Variants in NTRK3 observed in about 807,000 individuals in gnomAD.
The protein encoded by NTRK3 is neurotrophic receptor tyrosine kinase 3.
Under a neutral mutation model 91.7 loss-of-function variants are expected in NTRK3, and 24 were observed. The ratio of observed to expected loss-of-function variants is 0.26; its 90% CI spans 0.19 to 0.37. NTRK3 has a LOEUF of 0.37. Ranked by LOEUF, NTRK3 falls within the 10% of genes least tolerant of loss-of-function variation. NTRK3 has a pLI of 1.00. For synonymous variants in NTRK3, 483 were observed against 404.0 expected, an observed-to-expected ratio of 1.20 and a Z score of -2.34; for missense variants, 880 against 1,068.9, an observed-to-expected ratio of 0.82 and a Z score of 2.46.
intron 13 of NTRK3, among the ~76,000 whole-genome samples, chr15:88,107,774 C>T (rs1024512690): frequency 1.3e-5 from 2 of 152,086 alleles, no homozygotes; most frequent in South Asian, 2.1e-4. Context: ...AAATATCACA[C>T]GATCTCAGAC....
intron 13 of NTRK3, among the ~76,000 whole-genome samples, chr15:88,062,295 A>G (rs1343786452): frequency 6.6e-6 from 1 of 152,258 alleles, no homozygotes; most frequent in Non-Finnish European, 1.5e-5. Context: ...TTGCGCAAGA[A>G]GTACTCCATA....
intron 14 of NTRK3, among the ~76,000 whole-genome samples, chr15:87,973,231 A>G (rs576793434): frequency 7.2e-5 from 11 of 152,330 alleles, no homozygotes; most frequent in African/African-American, 2.4e-4. Context: ...GTTAGACCTT[A>G]TCACCCGTGC....
intron 5 of NTRK3, among the ~76,000 whole-genome samples, chr15:88,157,229 TCA>T (rs143575786): frequency 6.6e-6 from 1 of 151,762 alleles, no homozygotes; most frequent in African/African-American, 2.4e-5. Context: ...CTTCCCTCTC[TCA>T]CACACACACA....
At chr15:88,208,746 C>G (rs975918856) in intron 3 of NTRK3, among the ~76,000 whole-genome samples, 1 of 152,158 alleles carries the variant, frequency 6.6e-6, no homozygotes, top group African/African-American at 2.4e-5. Flanking sequence ...TCAAATAAAC[C>G]AATGGTTCCC....
intron 13 of NTRK3, among the ~76,000 whole-genome samples, chr15:88,041,012 T>C (rs1232704854): frequency 1.3e-5 from 2 of 152,220 alleles, no homozygotes; most frequent in East Asian, 1.9e-4. Context: ...TCCAAAGTTC[T>C]GCGTCTTCAC....
At chr15:87,962,968 A>T (rs994773639) in intron 14 of NTRK3, among the ~76,000 whole-genome samples, 3 of 152,226 alleles carry the variant, frequency 2.0e-5, no homozygotes, top group African/African-American at 7.2e-5. Flanking sequence ...CCTTTGGGGA[A>T]CAACATTATG....
At chr15:87,962,199 C>G (rs1365268785) in intron 14 of NTRK3, among the ~76,000 whole-genome samples, 1 of 152,220 alleles carries the variant, frequency 6.6e-6, no homozygotes, top group African/African-American at 2.4e-5. Context: ...CTAATATCAT[C>G]ACTTTATGCT....
At chr15:88,018,216 G>C (rs1249735121) in intron 14 of NTRK3, among the ~76,000 whole-genome samples, 3 of 152,206 alleles carry the variant, frequency 2.0e-5, no homozygotes, top group Non-Finnish European at 2.9e-5. Context: ...AAGCTCCAAA[G>C]AGCCTCCTGG....
rs1264045988 is a variant in NTRK3, at chr15:87,929,175, G to A, written c.2133+16C>T. The A allele has an allele frequency of 6.2e-7, 1 of 1,614,036 alleles. No individual in the cohort carries two copies. The highest frequency in any genetic ancestry group is 1.3e-5 in the African/African-American group (1 of 74,924). The stretch of plus-strand genomic sequence containing the variant: ...AGCTCTGTGGCTGAGTCCTGCAGCT[G>A]GGAAAGTCACTTTACCCTGTAATAA... On this transcript the variant is annotated intron_variant, in intron 17 of 18. Coordinates refer to ENST00000394480, the Ensembl canonical transcript of NTRK3.
At position 87,989,442 on chromosome 15, in the gene NTRK3, G is replaced by A. The variant is rs548937129; in HGVS notation, c.1585+43415C>T. Among the ~76,000 whole-genome samples the A allele has an allele frequency of 5.9e-4, 90 of 151,318 alleles. 1 individual carries two copies. Among genetic ancestry groups the A allele is most frequent in the African/African-American group, 2.2e-3 (90 of 41,394 alleles). On this transcript the variant is annotated intron_variant, in intron 14 of 18. Coordinates refer to ENST00000394480, the Ensembl canonical transcript of NTRK3. ...ACCACATGTTCTCACTCATAGGTGG[G>A]AATCGAACAATGAGAACACTTGGAC...
chr15:88,246,856 C>A (rs1261048513), intron 3 of NTRK3, among the ~76,000 whole-genome samples: 2 of 152,158 alleles, frequency 1.3e-5, no homozygotes, highest in African/African-American at 4.8e-5. Flanking sequence ...GAGAGCTGAC[C>A]TCTCTGCTCA....
intron 17 of NTRK3, among the ~76,000 whole-genome samples, chr15:87,914,103 C>A (rs1035034065): frequency 6.6e-6 from 1 of 152,208 alleles, no homozygotes; most frequent in African/African-American, 2.4e-5. Flanking sequence ...TTATTTGACT[C>A]TTCTAACATC....
Position 88,150,562 on chromosome 15 carries a change from C to T in NTRK3, c.396-3159G>A, listed in dbSNP as rs548384165. On this transcript the variant is annotated intron_variant, in intron 5 of 18. Transcript: ENST00000394480. Reference sequence around the variant, plus strand: ...CATCAAGCCCCACCTGGATTCCTCCCGCTCTTTGGGTGGATGGAATGGCTG... The same window carrying T: ...CATCAAGCCCCACCTGGATTCCTCCTGCTCTTTGGGTGGATGGAATGGCTG... 1.8e-4 allele frequency among the ~76,000 whole-genome samples: 28 copies of T among 152,168 alleles called. No homozygotes were observed. The East Asian group carries it at 5.1e-3, about 27-fold the overall frequency.
chr15:88,073,305 C>CT (rs2047247483), intron 13 of NTRK3, among the ~76,000 whole-genome samples: 1 of 152,222 alleles, frequency 6.6e-6, no homozygotes, highest in Admixed American at 6.5e-5. Context: ...GAGCATTCAG[C>CT]TGACTGGGAA....
intron 17 of NTRK3, among the ~76,000 whole-genome samples, chr15:87,883,912 A>G (rs1567067855): frequency 6.7e-6 from 1 of 150,132 alleles, no homozygotes; most frequent in South Asian, 2.1e-4. Context: ...GTAATTTTTG[A>G]AAAAAAAATT....
intron 5 of NTRK3, among the ~76,000 whole-genome samples, chr15:88,170,105 A>G (rs1045743262): frequency 2.0e-5 from 3 of 152,210 alleles, no homozygotes; most frequent in Admixed American, 2.0e-4. Flanking sequence ...GAAGGCCCTC[A>G]ACAGATGTTC....
chr15:88,117,478 A>G (rs574847157), intron 13 of NTRK3, among the ~76,000 whole-genome samples: 2 of 152,286 alleles, frequency 1.3e-5, no homozygotes, highest in South Asian at 4.1e-4. Flanking sequence ...CTGTTTCATC[A>G]CCATTCAGGA....
intron 3 of NTRK3, among the ~76,000 whole-genome samples, chr15:88,198,898 C>T (rs1484219660): frequency 6.6e-6 from 1 of 152,188 alleles, no homozygotes; most frequent in East Asian, 1.9e-4. Flanking sequence ...GAGTCTCATC[C>T]TGCACAACTC....
exon 19 of NTRK3, chr15:87,860,115 T>C (rs2064483229): frequency 4.6e-6 from 1 of 216,370 alleles, no homozygotes; most frequent in African/African-American, 2.3e-5. Context: ...TTTGTATTAG[T>C]GTCATGGTGT....
Sources: allele counts gnomAD v4.1 joint callset (sites outside exome capture counted in the v4.1 genomes callset), GRCh38; gene constraint gnomAD v4.1.1; transcripts MANE v1.5; gene names NCBI Gene and HGNC (gene_info 2026-07-23, HGNC 2026-07-21).